Variants in MED4 observed in about 807,000 individuals in gnomAD.
MED4 encodes mediator of RNA polymerase II transcription subunit 4.
Under a neutral mutation model 35.0 loss-of-function variants are expected in MED4, and 21 were observed. That is an observed-to-expected ratio of 0.60 (90% CI 0.43 to 0.86). The LOEUF (loss-of-function observed/expected upper bound fraction) is 0.86, where lower values mean the gene tolerates loss of function less well. Ranked by LOEUF, MED4 falls within the 40% of genes least tolerant of loss-of-function variation. The pLI is 0.00. For synonymous variants in MED4, 138 were observed against 114.0 expected, an observed-to-expected ratio of 1.21 and a Z score of -1.34; for missense variants, 300 against 319.4, an observed-to-expected ratio of 0.94 and a Z score of 0.46.
chr13:48,086,116 T>C (rs932284909), intron 3 of MED4, among the ~76,000 whole-genome samples, 166 bp downstream of exon 3: 3 of 152,182 alleles, frequency 2.0e-5, no homozygotes, highest in Non-Finnish European at 4.4e-5. Context: ...AAAAAGAGAA[T>C]GACAATAGCC....
chr13:48,086,120 A>G (rs980095518), intron 3 of MED4, among the ~76,000 whole-genome samples, 162 bp downstream of exon 3: 2 of 152,238 alleles, frequency 1.3e-5, no homozygotes, highest in South Asian at 2.1e-4. Flanking sequence ...AGAGAATGAC[A>G]ATAGCCTTTC....
At chr13:48,083,309 A>G in intron 4 of MED4, 62 bp downstream of exon 4, 1 of 1,296,308 alleles carries the variant, frequency 7.7e-7, no homozygotes, top group Non-Finnish European at 1.1e-6. Flanking sequence ...ATCCTCTTGT[A>G]TTGGTTTCCT....
chr13:48,088,036 A>C (rs1950865257), intron 2 of MED4, among the ~76,000 whole-genome samples: 2 of 152,304 alleles, frequency 1.3e-5, no homozygotes, highest in African/African-American at 4.8e-5. Flanking sequence ...TGTGTTCTTA[A>C]TAGGAAAAGG....
In MED4 at chr13:48,095,067, A is replaced by G. The variant is rs770161811; in HGVS notation, c.12T>C (p.Ser4=). 5.0e-6 allele frequency: 8 copies of G among 1,603,948 alleles called. No homozygotes were observed. In the Admixed American group the frequency reaches 1.3e-4, roughly 27 times the overall value. ...GCTCCTTCTCCTTCTCACCACTCGA[A>G]GACGCAGCCATTTTCCCCAGAGTCC... MAA[S]SSGEKEKERL... The change falls in exon 1 of 7, where the codon TCT becomes TCC. Residue 4 remains serine (S), a synonymous_variant. Coordinates refer to ENST00000258648, the MANE Select transcript of MED4 (RefSeq NM_014166.4).
intron 3 of MED4, among the ~76,000 whole-genome samples, chr13:48,084,764 T>C (rs918336191): frequency 2.0e-5 from 3 of 152,114 alleles, no homozygotes; most frequent in Admixed American, 1.3e-4. Flanking sequence ...TTCTTTCCAT[T>C]TTTCTGTATT....
At position 48,095,041 on chromosome 13, in the gene MED4, C is replaced by A. The variant is rs780566068; in HGVS notation, c.38G>T (p.Arg13Leu). The A allele has an allele frequency of 6.2e-7, 1 of 1,606,160 alleles. No homozygotes were observed. The highest frequency in any genetic ancestry group is 1.3e-5 in the African/African-American group (1 of 75,058). The change falls in exon 1 of 7, where the codon CGG becomes CTG. Residue 13 changes from arginine (R) to leucine (L), a missense_variant. Transcript: ENST00000258648. ...CGCCACTCCCAAACCGCCTCCCAGCCGCTCCTTCTCCTTCTCACCACTCGA... is the reference window on the plus strand; with the variant it reads ...CGCCACTCCCAAACCGCCTCCCAGCAGCTCCTTCTCCTTCTCACCACTCGA... ...ASSSGEKEKE[R>L]LGGGLGVAGG...
chr13:48,077,218 G>A lies in MED4; in HGVS notation c.734C>T (p.Pro245Leu). 6.2e-7 allele frequency: 1 copy of A among 1,603,718 alleles called. No homozygotes were observed. Reference protein sequence around the residue: ...NHSSDFLLEPPGHNKENEDDV... With the variant: ...NHSSDFLLEPLGHNKENEDDV... ...ATCTTCATTTTCTTTATTATGCCCA[G>A]GAGGTTCCAACAAAAAGTCACTACT... The change falls in exon 7 of 7, where the codon CCT becomes CTT. Residue 245 changes from proline to leucine, a missense_variant. By Grantham distance (98) the Pro-to-Leu change is moderately conservative. Transcript: ENST00000258648.
intron 1 of MED4, 93 bp from the exon 2 acceptor site, chr13:48,090,511 A>G: frequency 5.5e-6 from 5 of 914,154 alleles, no homozygotes; most frequent in Non-Finnish European, 8.2e-6. Context: ...ACTGTGAACT[A>G]CAGCTCACCA....
rs533028206 is a variant in MED4, at chr13:48,087,521, T to C, written c.193-1069A>G. Among the ~76,000 whole-genome samples, 9 of 152,052 alleles carry C rather than the reference T, an allele frequency of 5.9e-5. No individual in the cohort carries two copies. In the South Asian group the frequency reaches 1.9e-3, roughly 32 times the overall value. On this transcript the variant is annotated intron_variant, in intron 2 of 6. Transcript: ENST00000258648. The stretch of plus-strand genomic sequence containing the variant: ...CTGAGACACTGAAACTCTGAGTTTA[T>C]GCACAGTATTGTTTACAATGAAGAT...
At chr13:48,093,713 G>C in intron 1 of MED4, 2 of 283,360 alleles carry the variant, frequency 7.1e-6, no homozygotes, top group South Asian at 3.2e-5. Flanking sequence ...TTAAACAGTG[G>C]ATCAAACACA....
chr13:48,077,466 G>C (rs1281822201), intron 6 of MED4, 155 bp from the exon 7 acceptor site: 2 of 577,890 alleles, frequency 3.5e-6, no homozygotes, highest in African/African-American at 2.0e-5. Flanking sequence ...ACCCAGGCTT[G>C]AGTGCAGTGG....
Position 48,080,396 on chromosome 13 carries a change from C to CAAAA in MED4, c.509-425_509-422dup, listed in dbSNP as rs57198503. On this transcript the variant is annotated intron_variant, in intron 5 of 6. Coordinates refer to ENST00000258648, the MANE Select transcript of MED4 (RefSeq NM_014166.4). ...TGGGCCACAGAGCAAGACCCTGTCTCAAAAAAAAAAAAAAAAAAAAAAGAA... is the reference window on the plus strand; with the variant it reads ...TGGGCCACAGAGCAAGACCCTGTCTCAAAAAAAAAAAAAAAAAAAAAAAAAAGAA... 4.7e-3 allele frequency among the ~76,000 whole-genome samples: 314 copies of CAAAA among 66,626 alleles called. 1 individual carries two copies. The highest frequency in any genetic ancestry group is 0.011 in the Middle Eastern group (1 of 94). 43.7% of individuals were successfully genotyped at this position (66,626 alleles called of 152,430 possible).
At position 48,080,350 on chromosome 13, in the gene MED4, T is replaced by C. The variant is rs371315940; in HGVS notation, c.509-375A>G. On this transcript the variant is annotated intron_variant, in intron 5 of 6. Transcript: ENST00000258648. Reference sequence around the variant, plus strand: ...AGGCAGAGGTTGCAGTGAGCTGAGATTGCACCACTGCACTCCAGCCTGGGC... The same window carrying C: ...AGGCAGAGGTTGCAGTGAGCTGAGACTGCACCACTGCACTCCAGCCTGGGC... Among the ~76,000 whole-genome samples the C allele has an allele frequency of 3.8e-3, 548 of 144,328 alleles. 1 individual carries two copies. The highest frequency in any genetic ancestry group is 0.013 in the African/African-American group (512 of 38,444). 94.7% of individuals were successfully genotyped at this position (144,328 alleles called of 152,430 possible).
rs1566118425 is a variant in MED4, at chr13:48,083,376, C to A, written c.416G>T (p.Arg139Ile). The A allele has an allele frequency of 2.5e-6, 4 of 1,612,594 alleles. No homozygotes were observed. The highest frequency in any genetic ancestry group is 3.4e-6 in the Non-Finnish European group (4 of 1,179,382). ...AGTCTTCCCATGATACTAACCTTTT[C>A]TTGCTTTTTCTATTGACTTGAGTTT... ...KEKLKSIEKARKGAISSEEII... is the reference protein window; with the variant it reads ...KEKLKSIEKAIKGAISSEEII... Residue 139 changes from arginine (R) to isoleucine (I), a missense_variant, in exon 4 of 7, where the codon AGA (arginine) becomes ATA (isoleucine). Physicochemically the swap from Arg to Ile is moderately conservative, Grantham distance 97. Transcript: ENST00000258648.
chr13:48,086,201 C>G, intron 3 of MED4, 81 bp downstream of exon 3: 2 of 1,385,106 alleles, frequency 1.4e-6, no homozygotes, highest in Non-Finnish European at 2.0e-6. Flanking sequence ...TTCTGCTCTT[C>G]AAAATATTGA....
At chr13:48,092,760 C>T (rs574473476) in intron 1 of MED4, among the ~76,000 whole-genome samples, 1 of 152,198 alleles carries the variant, frequency 6.6e-6, no homozygotes, top group East Asian at 1.9e-4. Context: ...GAGACATAGA[C>T]GGTTGAGAAC....
Position 48,075,933 on chromosome 13 carries a change from G to A in MED4, c.*1206C>T, listed in dbSNP as rs540007747. On this transcript the variant is annotated 3_prime_UTR_variant, in exon 7 of 7. Transcript: ENST00000258648. ...CTATTTTCCAATTTTTCTAGAGATC[G>A]AAAATAATCAAAAGGAAAAAATGAT... 1 of 152,030 alleles carries A rather than the reference G, an allele frequency of 6.6e-6. No individual in the cohort carries two copies. The highest frequency in any genetic ancestry group is 1.9e-4 in the East Asian group (1 of 5,182). 9.4% of individuals were successfully genotyped at this position (152,030 alleles called of 1,614,324 possible). A position where few individuals can be genotyped will look rare whatever the true frequency, so the allele number is the denominator to read the frequency against.
chr13:48,084,866 CAT>C (rs909739078), intron 3 of MED4, among the ~76,000 whole-genome samples: 37 of 150,976 alleles, frequency 2.5e-4, no homozygotes, highest in Non-Finnish European at 1.8e-4. Context: ...TATATACAAA[CAT>C]ATAAATAATA....
rs191881027 is a variant in MED4 at position 48,094,701 on chromosome 13, G to A, written c.125+253C>T. Reference sequence around the variant, plus strand: ...CCAAGGAGCGTTCCATAAATGTTAAGTGGCTGGCCGCGGACGAAGAGGCTC... The same window carrying A: ...CCAAGGAGCGTTCCATAAATGTTAAATGGCTGGCCGCGGACGAAGAGGCTC... On this transcript the variant is annotated intron_variant, in intron 1 of 6. Coordinates refer to ENST00000258648, the MANE Select transcript of MED4 (RefSeq NM_014166.4). 5.3e-5 allele frequency among the ~76,000 whole-genome samples: 8 copies of A among 152,254 alleles called. No homozygotes were observed. The South Asian group carries it at 8.3e-4, about 16-fold the overall frequency.
Sources: allele counts gnomAD v4.1 joint callset (sites outside exome capture counted in the v4.1 genomes callset), GRCh38; gene constraint gnomAD v4.1.1; transcripts MANE v1.5; gene names NCBI Gene and HGNC (gene_info 2026-07-23, HGNC 2026-07-21).